FAM20B: variants seen among roughly 807,000 people sequenced by gnomAD.
The protein encoded by FAM20B is glycosaminoglycan xylosylkinase.
A neutral mutation model predicts 43.8 loss-of-function variants in FAM20B; 23 were observed. The observed-to-expected ratio is 0.53, with a 90% CI of 0.38 to 0.74. The LOEUF is 0.74. Ranked by LOEUF, FAM20B falls within the 30% of genes least tolerant of loss-of-function variation. The pLI, the probability that FAM20B is intolerant of heterozygous loss-of-function variation, is 0.00. For synonymous variants in FAM20B, 178 were observed against 192.4 expected (o/e 0.93, Z 0.62); for missense variants, 440 against 510.5 (o/e 0.86, Z 1.33).
upstream of FAM20B, among the ~76,000 whole-genome samples, chr1:179,023,632 A>C (rs1488707836): frequency 6.6e-6 from 1 of 152,228 alleles, no homozygotes; most frequent in Non-Finnish European, 1.5e-5. Context: ...ATAAACAAAC[A>C]AATGAACAAT....
the FAM20B span, among the ~76,000 whole-genome samples, chr1:179,017,835 G>A: frequency 6.6e-6 from 1 of 152,070 alleles, no homozygotes; most frequent in Non-Finnish European, 1.5e-5. Flanking sequence ...AAAGACATAG[G>A]GTTAATTATT....
rs887714370 is a variant in FAM20B, at chr1:179,074,741, G to C, written c.*2597G>C. ...CCATAAAGTTAGAATTGAGCTAATAGAGTGGTATGACATGGCACTAAAAAT... is the reference window on the plus strand; with the variant it reads ...CCATAAAGTTAGAATTGAGCTAATACAGTGGTATGACATGGCACTAAAAAT... On this transcript the variant is annotated 3_prime_UTR_variant, in exon 8 of 8. Coordinates refer to ENST00000263733, the MANE Select transcript of FAM20B (RefSeq NM_014864.4). 5.9e-5 allele frequency: 9 copies of C among 152,160 alleles called. No homozygotes were observed. Among genetic ancestry groups the C allele is most frequent in the African/African-American group, 2.2e-4 (9 of 41,442 alleles). 9.4% of individuals were successfully genotyped at this position (152,160 alleles called of 1,614,324 possible).
chr1:179,072,033 C>G lies in FAM20B; in HGVS notation c.1119C>G (p.Asp373Glu), dbSNP rs202186782. Reference sequence around the variant, plus strand: ...CAGTGCTCTCTGATCCTCATCTGGACGCCGTGGACCAGCGGCTCCTGAGTG... The same window carrying G: ...CAGTGCTCTCTGATCCTCATCTGGAGGCCGTGGACCAGCGGCTCCTGAGTG... ...ISPVLSDPHL[D>E]AVDQRLLSVL... The change falls in exon 8 of 8, where the codon GAC becomes GAG. Residue 373 changes from aspartate to glutamate, a missense_variant. Coordinates refer to ENST00000263733, the MANE Select transcript of FAM20B (RefSeq NM_014864.4). 2 of 1,614,022 alleles carry G rather than the reference C, an allele frequency of 1.2e-6. No homozygotes were observed. Among genetic ancestry groups the G allele is most frequent in the Admixed American group, 1.7e-5 (1 of 59,998 alleles).
In FAM20B at chr1:179,071,897, T is replaced by A. The variant is rs757259319; in HGVS notation, c.999-16T>A. The A allele has an allele frequency of 1.9e-6, 3 of 1,580,640 alleles. No individual in the cohort carries two copies. The African/African-American group carries it at 4.0e-5, about 21-fold the overall frequency. ...GAGAAGTTTTATGTACCTTGTTCTA[T>A]AACTTTTTCTCCCAGCATTCGGGTG... On this transcript the variant is annotated splice_polypyrimidine_tract_variant and intron_variant, in intron 7 of 7. Transcript: ENST00000263733.
chr1:179,034,578 T>G (rs1023480851), intron 1 of FAM20B, among the ~76,000 whole-genome samples: 1 of 152,230 alleles, frequency 6.6e-6, no homozygotes, highest in Non-Finnish European at 1.5e-5. Flanking sequence ...TGTCTGTCTT[T>G]GCAGACAGTC....
chr1:179,072,737 G>A lies in FAM20B; in HGVS notation c.*593G>A, dbSNP rs1215113015. The A allele has an allele frequency of 6.6e-6, 1 of 152,504 alleles. No individual in the cohort carries two copies. The highest frequency in any genetic ancestry group is 6.5e-5 in the Admixed American group (1 of 15,328). The allele number at this position is 152,504 out of a possible 1,614,324, so 9.4% of individuals were successfully genotyped here. On this transcript the variant is annotated 3_prime_UTR_variant, in exon 8 of 8. Transcript: ENST00000263733. Reference sequence around the variant, plus strand: ...AAAATGTTTGGGCTTTTAAGCCATTGGGTAGTATTGTTTTGATGATCTTAG... The same window carrying A: ...AAAATGTTTGGGCTTTTAAGCCATTAGGTAGTATTGTTTTGATGATCTTAG...
chr1:179,039,441 G>T (rs889764305), intron 1 of FAM20B, among the ~76,000 whole-genome samples: 1 of 152,152 alleles, frequency 6.6e-6, no homozygotes, highest in Non-Finnish European at 1.5e-5. Flanking sequence ...CATTCCAGAC[G>T]TAGTAGTGCT....
intron 2 of FAM20B, among the ~76,000 whole-genome samples, chr1:179,049,545 G>A (rs1217727047): frequency 1.3e-5 from 2 of 152,056 alleles, no homozygotes; most frequent in Non-Finnish European, 2.9e-5. Flanking sequence ...GTAAGCAAAA[G>A]TTTTTTGTTT....
intron 2 of FAM20B, among the ~76,000 whole-genome samples, chr1:179,047,829 A>G (rs1433678541): frequency 6.6e-6 from 1 of 152,244 alleles, no homozygotes; most frequent in African/African-American, 2.4e-5. Context: ...GTCCTTCAGC[A>G]GAAGGATAGG....
In FAM20B at chr1:179,073,322, TC is replaced by T. The variant is rs1260630192; in HGVS notation, c.*1179del. 4 of 152,204 alleles carry T rather than the reference TC, an allele frequency of 2.6e-5. No homozygotes were observed. Among genetic ancestry groups the T allele is most frequent in the Admixed American group, 6.5e-5 (1 of 15,270 alleles). The allele number at this position is 152,204 out of a possible 1,614,324, so 9.4% of individuals were successfully genotyped here. A position where few individuals can be genotyped will look rare whatever the true frequency, so the allele number is the denominator to read the frequency against. On this transcript the variant is annotated 3_prime_UTR_variant, in exon 8 of 8. Transcript: ENST00000263733. ...TAAGCCTTCTTCTTTTTTTCTTTTT[TC>T]TTTTTTTTTTGAGACCAAGTCTCAC...
At chr1:179,050,141 C>A (rs1650943784) in intron 2 of FAM20B, 138 bp from the exon 3 acceptor site, 1 of 586,836 alleles carries the variant, frequency 1.7e-6, no homozygotes. Flanking sequence ...CATGCTAATC[C>A]ACAGTTGTTT....
intron 2 of FAM20B, among the ~76,000 whole-genome samples, chr1:179,048,010 G>A (rs1187737446): frequency 1.3e-5 from 2 of 152,150 alleles, no homozygotes; most frequent in Non-Finnish European, 2.9e-5. Context: ...CAAGGTGTGT[G>A]CAGTATAGGT....
chr1:179,063,843 G>A, intron 4 of FAM20B, 84 bp from the exon 5 acceptor site: 1 of 903,070 alleles, frequency 1.1e-6, no homozygotes, highest in South Asian at 1.9e-5. Context: ...TATTTACTTA[G>A]CTACTCTGTT....
intron 1 of FAM20B, among the ~76,000 whole-genome samples, chr1:179,043,359 T>C (rs1389385747): frequency 6.6e-6 from 1 of 152,102 alleles, no homozygotes; most frequent in Non-Finnish European, 1.5e-5. Flanking sequence ...AGCCTGTGGG[T>C]GTAGCTGTGG....
chr1:179,042,096 C>T (rs1650573786), intron 1 of FAM20B, among the ~76,000 whole-genome samples: 1 of 152,164 alleles, frequency 6.6e-6, no homozygotes, highest in African/African-American at 2.4e-5. Flanking sequence ...AGTGAGAAAC[C>T]TCTGTGGCCG....
At chr1:179,044,922 T>C (rs1435893904) in intron 2 of FAM20B, among the ~76,000 whole-genome samples, 1 of 152,238 alleles carries the variant, frequency 6.6e-6, no homozygotes, top group African/African-American at 2.4e-5. Context: ...CTACCAGCAA[T>C]GCATGAGAAT....
chr1:179,024,682 C>G (rs1649685539), upstream of FAM20B, among the ~76,000 whole-genome samples: 5 of 152,236 alleles, frequency 3.3e-5, no homozygotes, highest in Non-Finnish European at 7.4e-5. Context: ...GCCTCCCTAA[C>G]TACATTGTCC....
At chr1:179,052,451 CTT>C (rs1232579587) in intron 3 of FAM20B, among the ~76,000 whole-genome samples, 1 of 152,092 alleles carries the variant, frequency 6.6e-6, no homozygotes, top group Non-Finnish European at 1.5e-5. Flanking sequence ...TTGTTTCAGT[CTT>C]TTTGTTAAGA....
At chr1:179,066,178 G>A (rs1471187886) in intron 6 of FAM20B, among the ~76,000 whole-genome samples, 1 of 152,168 alleles carries the variant, frequency 6.6e-6, no homozygotes, top group Admixed American at 6.6e-5. Context: ...AGCTATTAAG[G>A]TGAGCCTCTG....
Sources: allele counts gnomAD v4.1 joint callset (sites outside exome capture counted in the v4.1 genomes callset), GRCh38; gene constraint gnomAD v4.1.1; transcripts MANE v1.5; gene names NCBI Gene and HGNC (gene_info 2026-07-23, HGNC 2026-07-21).